ELOVL5: variants seen among roughly 807,000 people sequenced by gnomAD.
ELOVL5 encodes ELOVL fatty acid elongase 5.
A neutral mutation model predicts 38.6 loss-of-function variants in ELOVL5; 8 were observed. The observed-to-expected ratio is 0.21, with a 90% confidence interval of 0.12 to 0.37. ELOVL5 has a LOEUF of 0.37. Among genes scored for constraint, ELOVL5 ranks in the 10% least tolerant of loss-of-function variants. The pLI is 1.00. For synonymous variants in ELOVL5, 127 were observed against 133.7 expected (o/e 0.95, Z 0.34); for missense variants, 280 against 367.8 (o/e 0.76, Z 1.95).
chr6:53,309,568 TACTC>T (rs1767739159), intron 1 of ELOVL5, among the ~76,000 whole-genome samples: 1 of 152,222 alleles, frequency 6.6e-6, no homozygotes, highest in Non-Finnish European at 1.5e-5. Flanking sequence ...GTACACCTGA[TACTC>T]ACACCCTTAT....
At chr6:53,288,430 T>C (rs143683122) in intron 3 of ELOVL5, among the ~76,000 whole-genome samples, 1,734 of 152,304 alleles carry the variant, frequency 0.011, 22 homozygotes, top group Middle Eastern at 0.031. Context: ...GACTGTGATA[T>C]TAGACAACCC....
intron 1 of ELOVL5, among the ~76,000 whole-genome samples, chr6:53,301,728 A>G (rs1767259679): frequency 7.6e-6 from 1 of 131,928 alleles, no homozygotes; most frequent in South Asian, 2.4e-4. Flanking sequence ...CAGGTAAATT[A>G]GAACCAATTT....
chr6:53,346,435 C>T (rs923414885), intron 1 of ELOVL5, among the ~76,000 whole-genome samples: 1 of 152,052 alleles, frequency 6.6e-6, no homozygotes, highest in Non-Finnish European at 1.5e-5. Context: ...TAAAACCTCA[C>T]AGAGGTGTTA....
At chr6:53,329,556 G>C (rs1276483422) in intron 1 of ELOVL5, among the ~76,000 whole-genome samples, 1 of 152,104 alleles carries the variant, frequency 6.6e-6, no homozygotes, top group Non-Finnish European at 1.5e-5. Flanking sequence ...AGGTGCAGTG[G>C]TTCATGCCTG....
At chr6:53,343,240 T>C (rs1430026131) in intron 1 of ELOVL5, among the ~76,000 whole-genome samples, 2 of 146,928 alleles carry the variant, frequency 1.4e-5, no homozygotes, top group African/African-American at 5.0e-5. Flanking sequence ...TGGGACAGAG[T>C]CTGGCTCTGT....
chr6:53,275,275 G>T lies in ELOVL5; in HGVS notation c.325-14C>A. 2 of 1,613,378 alleles carry T rather than the reference G, an allele frequency of 1.2e-6. No individual in the cohort carries two copies. The highest frequency in any genetic ancestry group is 1.7e-5 in the Admixed American group (1 of 60,018). On this transcript the variant is annotated splice_polypyrimidine_tract_variant and intron_variant, in intron 4 of 7. Coordinates refer to ENST00000304434, the MANE Select transcript of ELOVL5 (RefSeq NM_021814.5). The stretch of plus-strand genomic sequence containing the variant: ...GACACGGATAATCTAAGAGGAAAGG[G>T]TCAAAGATTTAAGGCTTATCCTCAC...
chr6:53,303,588 T>C (rs915945948), intron 1 of ELOVL5, among the ~76,000 whole-genome samples: 3 of 152,204 alleles, frequency 2.0e-5, no homozygotes, highest in Admixed American at 1.3e-4. Flanking sequence ...ACTGCAAAAC[T>C]GGGGCACTGA....
chr6:53,328,077 T>C (rs554339729), intron 1 of ELOVL5, among the ~76,000 whole-genome samples: 1 of 152,032 alleles, frequency 6.6e-6, no homozygotes, highest in African/African-American at 2.4e-5. Flanking sequence ...CTACCACACA[T>C]ATAAAAAAAC....
In ELOVL5 at chr6:53,294,521, A is replaced by G. The variant is rs1398146877; in HGVS notation, c.58+1121T>C. The G allele has an allele frequency of 2.0e-6, 3 of 1,537,906 alleles. No homozygotes were observed. The African/African-American group carries it at 4.1e-5, about 21-fold the overall frequency. ...AAGTGGCAAAGTAGAAAATGACAAG[A>G]ACAAGGATCCTTGGTTACATCATAC... On this transcript the variant is annotated intron_variant, in intron 2 of 7. Transcript: ENST00000304434.
intron 1 of ELOVL5, among the ~76,000 whole-genome samples, chr6:53,342,990 C>T (rs1483956624): frequency 6.6e-6 from 1 of 152,174 alleles, no homozygotes; most frequent in Non-Finnish European, 1.5e-5. Context: ...GGAGCAAACA[C>T]GCCAGTGGGA....
intron 1 of ELOVL5, among the ~76,000 whole-genome samples, chr6:53,333,758 T>A (rs1403572789): frequency 1.3e-5 from 2 of 152,202 alleles, no homozygotes; most frequent in Non-Finnish European, 2.9e-5. Flanking sequence ...AGTTTTCATG[T>A]GTGGTTTATG....
At chr6:53,343,190 C>G (rs1489848059) in intron 1 of ELOVL5, among the ~76,000 whole-genome samples, 13 of 139,610 alleles carry the variant, frequency 9.3e-5, no homozygotes, top group Admixed American at 8.9e-4. Context: ...TGACATTTTC[C>G]CTCCCTCCCT....
intron 1 of ELOVL5, among the ~76,000 whole-genome samples, chr6:53,323,729 C>T (rs1172928775): frequency 6.6e-6 from 1 of 151,912 alleles, no homozygotes; most frequent in Non-Finnish European, 1.5e-5. Flanking sequence ...ATTACAGGTG[C>T]CCATCACCAC....
intron 1 of ELOVL5, among the ~76,000 whole-genome samples, chr6:53,318,126 T>C (rs1302429983): frequency 6.6e-6 from 1 of 152,208 alleles, no homozygotes; most frequent in Non-Finnish European, 1.5e-5. Context: ...GCCTACTCTT[T>C]GAACCACTAC....
At chr6:53,311,757 T>C (rs543937943) in intron 1 of ELOVL5, among the ~76,000 whole-genome samples, 1 of 152,266 alleles carries the variant, frequency 6.6e-6, no homozygotes, top group South Asian at 2.1e-4. Context: ...ATTCAATTCA[T>C]ATGAAATGTC....
chr6:53,290,086 A>T (rs1766718830), intron 3 of ELOVL5: 1 of 152,218 alleles, frequency 6.6e-6, no homozygotes, highest in Non-Finnish European at 1.5e-5. Flanking sequence ...ATCAGAGGAA[A>T]ATCTGTACCT....
At chr6:53,329,986 C>T (rs1768715968) in intron 1 of ELOVL5, among the ~76,000 whole-genome samples, 1 of 152,038 alleles carries the variant, frequency 6.6e-6, no homozygotes, top group Admixed American at 6.6e-5. Flanking sequence ...GCAAATAACC[C>T]AAATACACTT....
At position 53,275,106 on chromosome 6, in the gene ELOVL5, C is replaced by T; in HGVS notation, c.480G>A (p.Trp160Ter). Reference protein sequence around the residue: ...MLNIWWFVMNWVPCGHSYFGA... With the variant: ...MLNIWWFVMN ...AATACTTACAGTGGCCGCAGGGGAC[C>T]CAGTTCATCACAAACCACCAGATGT... is the stretch of plus-strand genomic sequence containing the variant. The change falls in exon 5 of 8, where the codon TGG becomes TGA. Residue 160 changes from tryptophan (W) to a stop codon, truncating the protein, a stop_gained. Transcript: ENST00000304434. LOFTEE classifies it high-confidence loss of function. 6.2e-7 allele frequency: 1 copy of T among 1,613,944 alleles called. No individual in the cohort carries two copies. The highest frequency in any genetic ancestry group is 8.5e-7 in the Non-Finnish European group (1 of 1,179,984).
intron 3 of ELOVL5, among the ~76,000 whole-genome samples, chr6:53,279,679 G>T (rs935028994): frequency 6.6e-6 from 1 of 152,158 alleles, no homozygotes; most frequent in African/African-American, 2.4e-5. Flanking sequence ...TATTTTAAAC[G>T]AGGCTTGACT....
Sources: allele counts gnomAD v4.1 joint callset (sites outside exome capture counted in the v4.1 genomes callset), GRCh38; gene constraint gnomAD v4.1.1; transcripts MANE v1.5; gene names NCBI Gene and HGNC (gene_info 2026-07-23, HGNC 2026-07-21).